The following MOGAT1 variants were observed in gnomAD, a reference collection of about 807,000 sequenced individuals.
MOGAT1 encodes the protein monoacylglycerol O-acyltransferase 1.
Under a neutral mutation model 31.4 loss-of-function variants are expected in MOGAT1, and 32 were observed. The ratio of observed to expected loss-of-function variants is 1.02; its 90% confidence interval spans 0.77 to 1.37. MOGAT1 has a LOEUF of 1.37. Ranked by LOEUF, MOGAT1 falls within the 40% of genes most tolerant of loss-of-function variation. The pLI is 0.00. For missense variants in MOGAT1, 426 were observed against 402.0 expected, an observed-to-expected ratio of 1.06 and a Z score of -0.51; for synonymous variants, 145 against 144.5, an observed-to-expected ratio of 1.00 and a Z score of -0.03.
chr2:222,707,236 A>G (rs556338270), intron 5 of MOGAT1, among the ~76,000 whole-genome samples: 2 of 150,020 alleles, frequency 1.3e-5, no homozygotes, highest in South Asian at 2.2e-4. Flanking sequence ...GGAAGGAAGG[A>G]AGGGAGGGGA....
chr2:222,692,182 G>A (rs1477902732), intron 3 of MOGAT1, among the ~76,000 whole-genome samples: 3 of 152,168 alleles, frequency 2.0e-5, no homozygotes, highest in Non-Finnish European at 4.4e-5. Context: ...TGATGGAAGC[G>A]GCCTGTTGAG....
At chr2:222,706,211 G>A (rs756567697) in intron 5 of MOGAT1, among the ~76,000 whole-genome samples, 4 of 152,268 alleles carry the variant, frequency 2.6e-5, no homozygotes, top group African/African-American at 4.8e-5. Flanking sequence ...GGTGGCTCAC[G>A]CCTATAATCC....
At chr2:222,686,980 G>A (rs1692679948) in intron 1 of MOGAT1, among the ~76,000 whole-genome samples, 1 of 151,584 alleles carries the variant, frequency 6.6e-6, no homozygotes, top group Non-Finnish European at 1.5e-5. Context: ...TGGGCGTGGT[G>A]GTGCGCGCCT....
intron 1 of MOGAT1, among the ~76,000 whole-genome samples, chr2:222,687,000 G>A (rs566898167): frequency 2.7e-5 from 4 of 150,050 alleles, no homozygotes; most frequent in Admixed American, 6.7e-5. Context: ...TATAATCCTC[G>A]CTACCTGGAA....
chr2:222,682,760 A>G (rs1311294714), intron 1 of MOGAT1, among the ~76,000 whole-genome samples: 1 of 152,268 alleles, frequency 6.6e-6, no homozygotes, highest in Non-Finnish European at 1.5e-5. Flanking sequence ...AAAGGAATGA[A>G]GTACTGATGC....
intron 5 of MOGAT1, among the ~76,000 whole-genome samples, chr2:222,701,700 G>A (rs1692932961): frequency 6.6e-6 from 1 of 151,852 alleles, no homozygotes; most frequent in Non-Finnish European, 1.5e-5. Flanking sequence ...TGGGAGGGGA[G>A]GGGAAAGGAG....
intron 1 of MOGAT1, among the ~76,000 whole-genome samples, chr2:222,682,238 C>A (rs149066481): frequency 6.6e-6 from 1 of 152,100 alleles, no homozygotes; most frequent in Non-Finnish European, 1.5e-5. Context: ...TAGCATGTAT[C>A]GCCTGAAAAC....
rs1474656884 is a variant in MOGAT1, at chr2:222,688,384, C to A, written c.135C>A (p.His45Gln). ...GAATCACTGTGATGCTGATCATACA[C>A]AACTATTTGTTCCTTTACATCCCTT... ...SIGITVMLII[H>Q]NYLFLYIPYL... The change falls in exon 2 of 6, where the codon CAC becomes CAA. Residue 45 changes from histidine (H) to glutamine (Q), a missense_variant. By Grantham distance (24) the His-to-Gln change is conservative (BLOSUM62 0). Transcript: ENST00000446656. 1 of 1,612,958 alleles carries A rather than the reference C, an allele frequency of 6.2e-7. No homozygotes were observed. The highest frequency in any genetic ancestry group is 8.5e-7 in the Non-Finnish European group (1 of 1,179,444).
chr2:222,709,617 G>C (rs775089440), intron 5 of MOGAT1, 119 bp from the exon 6 acceptor site: 15 of 826,348 alleles, frequency 1.8e-5, no homozygotes, highest in Non-Finnish European at 2.8e-5. Flanking sequence ...ACAAGGATTG[G>C]AGTGAGCAGG....
chr2:222,702,487 C>T (rs1010810274), intron 5 of MOGAT1, among the ~76,000 whole-genome samples: 1 of 152,008 alleles, frequency 6.6e-6, no homozygotes, highest in Non-Finnish European at 1.5e-5. Context: ...TTTCAAATGG[C>T]CCCACAAAAA....
rs1692980433 is a variant in MOGAT1 at position 222,704,766 on chromosome 2, T to C, written c.854-4970T>C. On this transcript the variant is annotated intron_variant, in intron 5 of 5. Coordinates refer to ENST00000446656, the MANE Select transcript of MOGAT1 (RefSeq NM_058165.3). ...ATACTGGTTTCACAGATGAGGACCT[T>C]GAGCTCTCATGATAAGTAAGAGTAA... Among the ~76,000 whole-genome samples the C allele has an allele frequency of 2.0e-5, 3 of 152,310 alleles. No homozygotes were observed. The South Asian group carries it at 6.2e-4, about 32-fold the overall frequency.
Position 222,709,869 on chromosome 2 carries a change from C to A in MOGAT1, c.987C>A (p.His329Gln). The change falls in exon 6 of 6, where the codon CAC (histidine) becomes CAA (glutamine). Residue 329 changes from histidine to glutamine, a missense_variant. Transcript: ENST00000446656. ...EHKGKYGIPE[H>Q]ETLVLK The stretch of plus-strand genomic sequence containing the variant: ...AAGGAAAGTATGGCATTCCAGAGCA[C>A]GAGACTCTTGTTTTAAAATGACTTG... 1.2e-6 allele frequency: 2 copies of A among 1,604,198 alleles called. No homozygotes were observed. The highest frequency in any genetic ancestry group is 1.7e-6 in the Non-Finnish European group (2 of 1,175,562).
rs572969400 is a variant in MOGAT1, at chr2:222,671,958, T to C, written c.94+79T>C. Reference sequence around the variant, plus strand: ...GACGGTCCGGATTCCAGGACCTGCATAGAACCTTCCAACCCTCGTTCCCCT... The same window carrying C: ...GACGGTCCGGATTCCAGGACCTGCACAGAACCTTCCAACCCTCGTTCCCCT... On this transcript the variant is annotated intron_variant, in intron 1 of 5. Coordinates refer to ENST00000446656, the MANE Select transcript of MOGAT1 (RefSeq NM_058165.3). 130 of 1,179,818 alleles carry C rather than the reference T, an allele frequency of 1.1e-4. 1 individual carries two copies. The South Asian group carries it at 1.6e-3, about 15-fold the overall frequency. 73.1% of individuals were successfully genotyped at this position (1,179,818 alleles called of 1,614,324 possible).
intron 1 of MOGAT1, among the ~76,000 whole-genome samples, chr2:222,683,195 C>G: frequency 7.1e-6 from 1 of 141,374 alleles, no homozygotes; most frequent in African/African-American, 2.8e-5. Flanking sequence ...CAAAGTGAGA[C>G]CCTGTCTCAG....
intron 1 of MOGAT1, among the ~76,000 whole-genome samples, chr2:222,686,134 C>G (rs1692663922): frequency 6.6e-6 from 1 of 152,152 alleles, no homozygotes; most frequent in Non-Finnish European, 1.5e-5. Context: ...CTTCTTTATG[C>G]TTACGAACCT....
chr2:222,677,844 G>A, intron 1 of MOGAT1: 1 of 254,354 alleles, frequency 3.9e-6, no homozygotes, highest in South Asian at 5.2e-5. Flanking sequence ...GCTGCCTTAA[G>A]TTGCCGTACT....
At chr2:222,699,188 CA>C (rs1195149081) in intron 5 of MOGAT1, 3 of 152,018 alleles carry the variant, frequency 2.0e-5, no homozygotes, top group African/African-American at 4.8e-5. Context: ...ATTTTTAGTA[CA>C]GACGGGGTTT....
chr2:222,680,092 G>C (rs1692555670), intron 1 of MOGAT1, among the ~76,000 whole-genome samples: 1 of 152,058 alleles, frequency 6.6e-6, no homozygotes, highest in Admixed American at 6.5e-5. Context: ...AAGTCAATTA[G>C]CTCCATAACT....
In MOGAT1 at chr2:222,688,367, G is replaced by A. The variant is rs1271328637; in HGVS notation, c.118G>A (p.Val40Met). ...AGGGCCGATGTCCATTGGAATCACT[G>A]TGATGCTGATCATACACAACTATTT... ...LLGPMSIGIT[V>M]MLIIHNYLFL... Residue 40 changes from valine to methionine, a missense_variant, in exon 2 of 6, where the codon GTG (valine) becomes ATG (methionine). By Grantham distance (21) the Val-to-Met change is conservative. Coordinates refer to ENST00000446656, the MANE Select transcript of MOGAT1 (RefSeq NM_058165.3). 1.9e-6 allele frequency: 3 copies of A among 1,611,494 alleles called. No individual in the cohort carries two copies. The highest frequency in any genetic ancestry group is 1.7e-6 in the Non-Finnish European group (2 of 1,178,876).
Sources: allele counts gnomAD v4.1 joint callset (sites outside exome capture counted in the v4.1 genomes callset), GRCh38; gene constraint gnomAD v4.1.1; transcripts MANE v1.5; gene names NCBI Gene and HGNC (gene_info 2026-07-23, HGNC 2026-07-21).